Variants in FHIT observed in about 807,000 individuals in gnomAD.
The protein encoded by FHIT is fragile histidine triad diadenosine triphosphatase, also known as bis(5'-adenosyl)-triphosphatase.
Under a neutral mutation model 17.9 loss-of-function variants are expected in FHIT, and 19 were observed. That is an observed-to-expected ratio of 1.06 (90% CI 0.74 to 1.56). The LOEUF (loss-of-function observed/expected upper bound fraction) is 1.56, where lower values mean the gene tolerates loss of function less well. Among genes scored for constraint, FHIT ranks in the 40% most tolerant of loss-of-function variants. FHIT has a pLI of 0.00. For synonymous variants in FHIT, 81 were observed against 69.7 expected, an observed-to-expected ratio of 1.16 and a Z score of -0.81; for missense variants, 248 against 189.2, an observed-to-expected ratio of 1.31 and a Z score of -1.82.
intron 5 of FHIT, among the ~76,000 whole-genome samples, chr3:60,172,830 T>C (rs1276672542): frequency 6.6e-6 from 1 of 152,080 alleles, no homozygotes; most frequent in Non-Finnish European, 1.5e-5. Context: ...ATAGAAATGA[T>C]CCAATTTACT....
chr3:59,858,693 A>G (rs1702281313), intron 8 of FHIT, among the ~76,000 whole-genome samples: 4 of 152,194 alleles, frequency 2.6e-5, no homozygotes, highest in African/African-American at 9.6e-5. Context: ...CTAGTGTGTG[A>G]GGAAGCAGAG....
chr3:61,144,797 T>G (rs1260843681), intron 2 of FHIT, among the ~76,000 whole-genome samples: 1 of 152,228 alleles, frequency 6.6e-6, no homozygotes, highest in Non-Finnish European at 1.5e-5. Flanking sequence ...TCCCTAGTAA[T>G]GAGTGATACT....
intron 5 of FHIT, among the ~76,000 whole-genome samples, chr3:60,469,669 G>C (rs560207014): frequency 2.6e-5 from 4 of 152,150 alleles, no homozygotes; most frequent in South Asian, 4.2e-4. Flanking sequence ...ACTTAGTTTG[G>C]TGAGGTCATG....
intron 5 of FHIT, among the ~76,000 whole-genome samples, chr3:60,156,226 T>C (rs897014746): frequency 6.6e-6 from 1 of 151,708 alleles, no homozygotes; most frequent in African/African-American, 2.4e-5. Context: ...GTGATGCTCC[T>C]GTAATCCCAG....
intron 4 of FHIT, among the ~76,000 whole-genome samples, chr3:60,576,650 A>G (rs2037574842): frequency 6.6e-6 from 1 of 152,158 alleles, no homozygotes; most frequent in Non-Finnish European, 1.5e-5. Context: ...CCTATTTCAG[A>G]ACAGACCGTG....
intron 5 of FHIT, among the ~76,000 whole-genome samples, chr3:60,395,176 G>T (rs981086476): frequency 6.6e-6 from 1 of 152,162 alleles, no homozygotes; most frequent in Non-Finnish European, 1.5e-5. Context: ...AGCTGGTGGT[G>T]CTTTGTGAAG....
chr3:61,161,108 T>G (rs55682808), intron 2 of FHIT, among the ~76,000 whole-genome samples: 2,773 of 150,520 alleles, frequency 0.018, 44 homozygotes, highest in East Asian at 0.064. Context: ...ATTTTTTAAC[T>G]TTTTCCTTTT....
chr3:61,211,958 A>G (rs2039492442), intron 1 of FHIT, among the ~76,000 whole-genome samples: 1 of 152,236 alleles, frequency 6.6e-6, no homozygotes, highest in Non-Finnish European at 1.5e-5. Flanking sequence ...TGTCTCGTAG[A>G]AGGAAAACTA....
At chr3:59,844,910 C>G (rs1289029051) in intron 8 of FHIT, among the ~76,000 whole-genome samples, 1 of 152,086 alleles carries the variant, frequency 6.6e-6, no homozygotes, top group Non-Finnish European at 1.5e-5. Flanking sequence ...TATTCACCAG[C>G]AAAGTCATAA....
intron 4 of FHIT, among the ~76,000 whole-genome samples, chr3:60,578,215 G>A (rs895005367): frequency 2.0e-5 from 3 of 151,988 alleles, no homozygotes; most frequent in Non-Finnish European, 4.4e-5. Flanking sequence ...GAGGTGGGTG[G>A]ATCACAAGGT....
intron 5 of FHIT, among the ~76,000 whole-genome samples, chr3:60,475,176 A>C (rs1004059432): frequency 3.3e-5 from 5 of 151,214 alleles, no homozygotes; most frequent in African/African-American, 1.2e-4. Flanking sequence ...ACTGGGCCAG[A>C]GACTCTTTGT....
At chr3:61,116,553 G>C (rs2036303842) in intron 2 of FHIT, among the ~76,000 whole-genome samples, 1 of 152,042 alleles carries the variant, frequency 6.6e-6, no homozygotes, top group African/African-American at 2.4e-5. Flanking sequence ...AAAATAAGTG[G>C]TAATAATAAC....
intron 2 of FHIT, among the ~76,000 whole-genome samples, chr3:61,047,862 C>A (rs1246605633): frequency 1.5e-5 from 2 of 131,512 alleles, no homozygotes; most frequent in African/African-American, 5.3e-5. Flanking sequence ...CATGAAAAAA[C>A]AAGCAATGGG....
intron 5 of FHIT, among the ~76,000 whole-genome samples, chr3:60,525,068 C>G (rs950421306): frequency 1.3e-5 from 2 of 152,082 alleles, no homozygotes; most frequent in African/African-American, 4.8e-5. Flanking sequence ...ATAACTTTGG[C>G]TTTAGTTAGA....
intron 2 of FHIT, among the ~76,000 whole-genome samples, chr3:61,042,343 A>G (rs2107692812): frequency 6.6e-6 from 1 of 152,352 alleles, no homozygotes; most frequent in East Asian, 1.9e-4. Flanking sequence ...GGGCAGTAAG[A>G]TGGAAGTTAA....
intron 5 of FHIT, among the ~76,000 whole-genome samples, chr3:60,262,460 C>T (rs213405): frequency 0.76 from 115,605 of 151,818 alleles, 44,362 homozygotes; most frequent in East Asian, 0.99. Flanking sequence ...ACATCCCCAC[C>T]CTTTTTGGTT....
rs544286292 is a variant in FHIT at position 59,752,330 on chromosome 3, A to T, written c.349-9T>A. Reference sequence around the variant, plus strand: ...TTGTCATGTTTCTGGAGCTTTGGAGAAAAAAAAAGGAAGAGGCTCTTTCAT... The same window carrying T: ...TTGTCATGTTTCTGGAGCTTTGGAGTAAAAAAAAGGAAGAGGCTCTTTCAT... On this transcript the variant is annotated splice_polypyrimidine_tract_variant and intron_variant, in intron 8 of 9. Transcript: ENST00000492590. 4.0e-4 allele frequency: 634 copies of T among 1,575,690 alleles called. 6 individuals are homozygous for T. In the South Asian group the frequency reaches 6.7e-3, roughly 17 times the overall value.
chr3:60,934,874 G>A (rs9637480), intron 3 of FHIT, among the ~76,000 whole-genome samples: 37,039 of 151,858 alleles, frequency 0.24, 5,598 homozygotes, highest in East Asian at 0.6. Flanking sequence ...ACAAAGGGCT[G>A]AGGTAACAAA....
intron 4 of FHIT, among the ~76,000 whole-genome samples, chr3:60,673,147 A>G (rs2040548425): frequency 6.6e-6 from 1 of 152,096 alleles, no homozygotes. Context: ...CGGTTTAAAA[A>G]TATATATATT....
Sources: allele counts gnomAD v4.1 joint callset (sites outside exome capture counted in the v4.1 genomes callset), GRCh38; gene constraint gnomAD v4.1.1; transcripts MANE v1.5; gene names NCBI Gene and HGNC (gene_info 2026-07-23, HGNC 2026-07-21).